Variants in MLANA observed in about 807,000 individuals in gnomAD.
MLANA encodes the protein melan-A.
Under a neutral mutation model 15.7 loss-of-function variants are expected in MLANA, and 21 were observed. That is an observed-to-expected ratio of 1.33 (90% CI 0.95 to 1.92). MLANA has a LOEUF of 1.92. Among genes scored for constraint, MLANA ranks in the 40% most tolerant of loss-of-function variants. The pLI is 0.00. For synonymous variants in MLANA, 56 were observed against 51.5 expected, an observed-to-expected ratio of 1.09 and a Z score of -0.37; for missense variants, 164 against 143.8, an observed-to-expected ratio of 1.14 and a Z score of -0.72.
At chr9:5,892,262 C>A (rs773987770) in intron 1 of MLANA, among the ~76,000 whole-genome samples, 188 bp from the exon 2 acceptor site, 5 of 152,086 alleles carry the variant, frequency 3.3e-5, no homozygotes, top group Non-Finnish European at 4.4e-5. Context: ...GGGTTAGAAA[C>A]CTGAGCTATT....
At chr9:5,899,828 C>A (rs1832298609) in intron 3 of MLANA, among the ~76,000 whole-genome samples, 1 of 152,196 alleles carries the variant, frequency 6.6e-6, no homozygotes, top group Non-Finnish European at 1.5e-5. Flanking sequence ...ACATGGTAGT[C>A]ACTCAATTGT....
Position 5,908,825 on chromosome 9 carries a change from C to T in MLANA, c.*117C>T. The T allele has an allele frequency of 2.1e-6, 2 of 933,568 alleles. No individual in the cohort carries two copies. The highest frequency in any genetic ancestry group is 2.5e-5 in the East Asian group (1 of 40,360). The allele number at this position is 933,568 out of a possible 1,614,324, so 57.8% of individuals were successfully genotyped here. A position where few individuals can be genotyped will look rare whatever the true frequency, so the allele number is the denominator to read the frequency against. ...GGTGTAGGAAAAATGCAAGCCATCTCTAATAATAAGTCAGTGTTAAAATTT... is the reference window on the plus strand; with the variant it reads ...GGTGTAGGAAAAATGCAAGCCATCTTTAATAATAAGTCAGTGTTAAAATTT... On this transcript the variant is annotated 3_prime_UTR_variant, in exon 5 of 5. Transcript: ENST00000381477.
Position 5,897,595 on chromosome 9 carries a change from T to A in MLANA, c.116T>A (p.Val39Asp). ...GGCATCCTGACAGTGATCCTGGGAG[T>A]CTTACTGCTCATCGGCTGTTGGTAT... ...GIGILTVILG[V>D]LLLIGCWYCR... The change falls in exon 3 of 5, where the codon GTC becomes GAC. Residue 39 changes from valine to aspartate, a missense_variant. Physicochemically the swap from Val to Asp is radical, Grantham distance 152 (BLOSUM62 -3). Coordinates refer to ENST00000381477, the MANE Select transcript of MLANA (RefSeq NM_005511.2). The A allele has an allele frequency of 3.1e-6, 5 of 1,614,018 alleles. No homozygotes were observed. Among genetic ancestry groups the A allele is most frequent in the Non-Finnish European group, 4.2e-6 (5 of 1,179,954 alleles).
intron 3 of MLANA, among the ~76,000 whole-genome samples, chr9:5,903,103 G>T (rs958368590): frequency 1.4e-5 from 2 of 143,792 alleles, no homozygotes; most frequent in Non-Finnish European, 3.2e-5. Context: ...GTAGAAGTGT[G>T]TTGTTTAATC....
intron 2 of MLANA, among the ~76,000 whole-genome samples, chr9:5,893,591 A>G (rs912816401): frequency 1.3e-5 from 2 of 152,182 alleles, no homozygotes; most frequent in Non-Finnish European, 2.9e-5. Flanking sequence ...CCTGACAGCA[A>G]AAACATACTC....
Position 5,909,152 on chromosome 9 carries a change from T to G in MLANA, c.*444T>G, listed in dbSNP as rs1056796. 96,924 of 159,332 alleles carry G rather than the reference T, an allele frequency of 0.61. 30,680 individuals are homozygous for G. The highest frequency in any genetic ancestry group is 0.72 in the Non-Finnish European group (52,412 of 72,910). The allele number at this position is 159,332 out of a possible 1,614,324, so 9.9% of individuals were successfully genotyped here. A position where few individuals can be genotyped will look rare whatever the true frequency, so the allele number is the denominator to read the frequency against. On this transcript the variant is annotated 3_prime_UTR_variant, in exon 5 of 5. Transcript: ENST00000381477. Reference sequence around the variant, plus strand: ...TGCTCACAAAGGATACTTTTACAGGTTAAGACAAAGGGTTGACTGGCCTAT... The same window carrying G: ...TGCTCACAAAGGATACTTTTACAGGGTAAGACAAAGGGTTGACTGGCCTAT...
rs1281707687 is a variant in MLANA, at chr9:5,890,910, GCAGA to G, written c.-47_-44del. 1 of 152,232 alleles carries G rather than the reference GCAGA, an allele frequency of 6.6e-6. No individual in the cohort carries two copies. The highest frequency in any genetic ancestry group is 1.5e-5 in the Non-Finnish European group (1 of 68,052). The allele number at this position is 152,232 out of a possible 1,614,324, so 9.4% of individuals were successfully genotyped here. A position where few individuals can be genotyped will look rare whatever the true frequency, so the allele number is the denominator to read the frequency against. ...CAGTCTTCATACACGCGGCCAGCCAGCAGACAGAGGACTCTCATTAAGGAAGGTA... is the reference window on the plus strand; with the variant it reads ...CAGTCTTCATACACGCGGCCAGCCAGCAGAGGACTCTCATTAAGGAAGGTA... On this transcript the variant is annotated 5_prime_UTR_variant, in exon 1 of 5. Coordinates refer to ENST00000381477, the MANE Select transcript of MLANA (RefSeq NM_005511.2).
chr9:5,908,545 GA>G lies in MLANA; in HGVS notation c.289-92del. 13 of 1,088,152 alleles carry G rather than the reference GA, an allele frequency of 1.2e-5. No homozygotes were observed. The South Asian group carries it at 1.8e-4, about 15-fold the overall frequency. 67.4% of individuals were successfully genotyped at this position (1,088,152 alleles called of 1,614,324 possible). On this transcript the variant is annotated intron_variant, in intron 4 of 4. Coordinates refer to ENST00000381477, the MANE Select transcript of MLANA (RefSeq NM_005511.2). ...ACACTTAGAAATTTCAGTCCACAGG[GA>G]AAGTATAAATATGTTAACTATTTTA...
At chr9:5,891,874 G>C (rs1264109106) in intron 1 of MLANA, among the ~76,000 whole-genome samples, 1 of 152,186 alleles carries the variant, frequency 6.6e-6, no homozygotes, top group Non-Finnish European at 1.5e-5. Flanking sequence ...TGTGTGGGGT[G>C]GTTTCCTTTG....
At chr9:5,893,755 G>A (rs944942180) in intron 2 of MLANA, among the ~76,000 whole-genome samples, 1 of 152,070 alleles carries the variant, frequency 6.6e-6, no homozygotes, top group Non-Finnish European at 1.5e-5. Context: ...TCTTCTTGCT[G>A]GTTACTCCCT....
intron 4 of MLANA, among the ~76,000 whole-genome samples, chr9:5,907,685 G>A (rs1210050665): frequency 6.6e-6 from 1 of 152,198 alleles, no homozygotes; most frequent in Non-Finnish European, 1.5e-5. Context: ...GGGCATGGTG[G>A]CTCACACCTG....
At chr9:5,893,919 C>G (rs1586918060) in intron 2 of MLANA, among the ~76,000 whole-genome samples, 2 of 131,526 alleles carry the variant, frequency 1.5e-5, no homozygotes, top group African/African-American at 5.6e-5. Context: ...CCCCCCGCCC[C>G]GTGGCACCCA....
At chr9:5,898,430 G>A (rs948863796) in intron 3 of MLANA, among the ~76,000 whole-genome samples, 1 of 152,152 alleles carries the variant, frequency 6.6e-6, no homozygotes, top group Non-Finnish European at 1.5e-5. Flanking sequence ...CATGAGGACA[G>A]AGCCCTTGTA....
chr9:5,898,526 T>C (rs968497671), intron 3 of MLANA, among the ~76,000 whole-genome samples: 10 of 152,186 alleles, frequency 6.6e-5, no homozygotes, highest in Non-Finnish European at 1.0e-4. Context: ...GGGGACACAT[T>C]CAAACTATAG....
chr9:5,894,044 A>G lies in MLANA; in HGVS notation c.77+1493A>G, dbSNP rs958275197. Reference sequence around the variant, plus strand: ...TTTAAATCCAGGTCTGTTTGCCTCCAGAGTCCATGCTCTTAAGTGTTATGC... The same window carrying G: ...TTTAAATCCAGGTCTGTTTGCCTCCGGAGTCCATGCTCTTAAGTGTTATGC... On this transcript the variant is annotated intron_variant, in intron 2 of 4. Coordinates refer to ENST00000381477, the MANE Select transcript of MLANA (RefSeq NM_005511.2). The surrounding 1 kb of genome is among the most constrained non-coding windows in gnomAD (Gnocchi z 4.0). 6.6e-6 allele frequency among the ~76,000 whole-genome samples: 1 copy of G among 152,148 alleles called. No individual in the cohort carries two copies. Among genetic ancestry groups the G allele is most frequent in the Non-Finnish European group, 1.5e-5 (1 of 68,028 alleles).
chr9:5,906,898 A>G lies in MLANA; in HGVS notation c.188A>G (p.His63Arg). The G allele has an allele frequency of 6.3e-7, 1 of 1,580,500 alleles. No individual in the cohort carries two copies. The highest frequency in any genetic ancestry group is 8.6e-7 in the Non-Finnish European group (1 of 1,166,942). Reference protein sequence around the residue: ...GYRALMDKSLHVGTQCALTRR... With the variant: ...GYRALMDKSLRVGTQCALTRR... ...TTTACATTTCAGGATAAAAGTCTTC[A>G]TGTTGGCACTCAATGTGCCTTAACA... The change falls in exon 4 of 5, where the codon CAT (histidine) becomes CGT (arginine). Residue 63 changes from histidine (H) to arginine (R), a missense_variant. Transcript: ENST00000381477.
Position 5,907,017 on chromosome 9 carries a change from T to G in MLANA, c.288+19T>G. 2 of 1,497,494 alleles carry G rather than the reference T, an allele frequency of 1.3e-6. No individual in the cohort carries two copies. Among genetic ancestry groups the G allele is most frequent in the Non-Finnish European group, 1.8e-6 (2 of 1,106,844 alleles). 92.8% of individuals were successfully genotyped at this position (1,497,494 alleles called of 1,614,324 possible). On this transcript the variant is annotated intron_variant, in intron 4 of 4. Coordinates refer to ENST00000381477, the MANE Select transcript of MLANA (RefSeq NM_005511.2). ...ACCTGTGGTAGGTTAAGATCCTTCA[T>G]AAGGGTATTTTCATGAATGGCTGTT... is the stretch of plus-strand genomic sequence containing the variant.
At chr9:5,904,517 G>GAT (rs1421941890) in intron 3 of MLANA, among the ~76,000 whole-genome samples, 6 of 152,272 alleles carry the variant, frequency 3.9e-5, no homozygotes, top group Admixed American at 3.9e-4. Context: ...CTGTCGCCCA[G>GAT]GCTGGAGTGC....
At chr9:5,899,652 C>T (rs1328264042) in intron 3 of MLANA, among the ~76,000 whole-genome samples, 2 of 152,144 alleles carry the variant, frequency 1.3e-5, no homozygotes, top group African/African-American at 4.8e-5. Context: ...TTAATCTCTG[C>T]CATAGAACTC....
Sources: allele counts gnomAD v4.1 joint callset (sites outside exome capture counted in the v4.1 genomes callset), GRCh38; gene constraint gnomAD v4.1.1; non-coding constraint Gnocchi (gnomAD v3.1); transcripts MANE v1.5; gene names NCBI Gene and HGNC (gene_info 2026-07-23, HGNC 2026-07-21).